The following GPR39 variants were observed in gnomAD, a reference collection of about 807,000 sequenced individuals.
GPR39 encodes the protein G protein-coupled receptor 39.
Under a neutral mutation model 18.4 loss-of-function variants are expected in GPR39, and 23 were observed. The ratio of observed to expected loss-of-function variants is 1.25; its 90% confidence interval spans 0.90 to 1.77. The LOEUF (loss-of-function observed/expected upper bound fraction) is 1.77, where lower values mean the gene tolerates loss of function less well. Among genes scored for constraint, GPR39 ranks in the 40% most tolerant of loss-of-function variants. GPR39 has a pLI of 0.00. For missense variants in GPR39, 647 were observed against 602.4 expected (o/e 1.07, Z -0.78); for synonymous variants, 280 against 257.9 (o/e 1.09, Z -0.82).
At chr2:132,538,364 G>A (rs745327854) in intron 1 of GPR39, among the ~76,000 whole-genome samples, 4 of 152,200 alleles carry the variant, frequency 2.6e-5, no homozygotes, top group Non-Finnish European at 5.9e-5. Context: ...GTTCACCTGG[G>A]TGTCACCAGT....
rs372413230 is a variant in GPR39, at chr2:132,570,602, A to G, written c.857-74499A>G. On this transcript the variant is annotated intron_variant, in intron 1 of 1. Coordinates refer to ENST00000329321, the MANE Select transcript of GPR39 (RefSeq NM_001508.3). ...TTCTCCTATCTTAAAAACAAGACACATGAAAAGGACACCCTTTGCCACTAA... is the reference window on the plus strand; with the variant it reads ...TTCTCCTATCTTAAAAACAAGACACGTGAAAAGGACACCCTTTGCCACTAA... Among the ~76,000 whole-genome samples, 47 of 152,264 alleles carry G rather than the reference A, an allele frequency of 3.1e-4. 1 individual carries two copies. The East Asian group carries it at 6.4e-3, about 21-fold the overall frequency.
Position 132,453,396 on chromosome 2 carries a change from G to A in GPR39, c.856+35498G>A, listed in dbSNP as rs147831752. 2.9e-3 allele frequency among the ~76,000 whole-genome samples: 437 copies of A among 152,250 alleles called. 4 individuals are homozygous for A. The highest frequency in any genetic ancestry group is 0.01 in the African/African-American group (432 of 41,556). On this transcript the variant is annotated intron_variant, in intron 1 of 1. Coordinates refer to ENST00000329321, the MANE Select transcript of GPR39 (RefSeq NM_001508.3). ...TGGATATTAGCCTTTTGTCAGATGA[G>A]TAGATTGCAAAAATTTTTTCCCATT...
At chr2:132,552,103 A>G (rs1680054605) in intron 1 of GPR39, among the ~76,000 whole-genome samples, 1 of 152,198 alleles carries the variant, frequency 6.6e-6, no homozygotes, top group African/African-American at 2.4e-5. Flanking sequence ...TATACTGAAT[A>G]TGTACAGACT....
At chr2:132,633,638 A>C (rs948496336) in intron 1 of GPR39, among the ~76,000 whole-genome samples, 2 of 152,112 alleles carry the variant, frequency 1.3e-5, no homozygotes, top group Admixed American at 1.3e-4. Context: ...GGTCTTGGTG[A>C]CAGTGATGAT....
At chr2:132,526,554 CA>C (rs1309998528) in intron 1 of GPR39, among the ~76,000 whole-genome samples, 1 of 152,216 alleles carries the variant, frequency 6.6e-6, no homozygotes, top group Non-Finnish European at 1.5e-5. Flanking sequence ...CATGAGCTTA[CA>C]GGAAAGGTGG....
chr2:132,618,296 T>C (rs1681375734), intron 1 of GPR39, among the ~76,000 whole-genome samples: 1 of 152,218 alleles, frequency 6.6e-6, no homozygotes, highest in African/African-American at 2.4e-5. Context: ...CTGAGATCAA[T>C]TTGCTGGATT....
At chr2:132,451,174 T>TGTGTGTGTGTGTGTGTGC (rs3219552) in intron 1 of GPR39, among the ~76,000 whole-genome samples, 225 of 150,456 alleles carry the variant, frequency 1.5e-3, no homozygotes, top group African/African-American at 4.3e-3. Flanking sequence ...TGTGTGTGTG[T>TGTGTGTGTGTGTGTGTGC]GCACGCGCGT....
intron 1 of GPR39, among the ~76,000 whole-genome samples, chr2:132,495,369 G>T (rs1681620127): frequency 1.3e-5 from 2 of 152,178 alleles, no homozygotes; most frequent in Non-Finnish European, 2.9e-5. Flanking sequence ...CTGGAGTTTG[G>T]ACGGTAGTGG....
At chr2:132,588,416 G>T (rs1680769225) in intron 1 of GPR39, among the ~76,000 whole-genome samples, 1 of 152,200 alleles carries the variant, frequency 6.6e-6, no homozygotes, top group Non-Finnish European at 1.5e-5. Context: ...ATTTCTGTGG[G>T]TTAAGGCAGG....
chr2:132,610,192 A>G (rs1681215871), intron 1 of GPR39, among the ~76,000 whole-genome samples: 1 of 152,138 alleles, frequency 6.6e-6, no homozygotes, highest in Non-Finnish European at 1.5e-5. Context: ...AAGTCCACAT[A>G]GAGAATCTAA....
intron 1 of GPR39, among the ~76,000 whole-genome samples, chr2:132,532,331 C>G (rs1276311536): frequency 1.3e-5 from 2 of 152,266 alleles, no homozygotes; most frequent in East Asian, 3.9e-4. Flanking sequence ...ACAACAGGCT[C>G]TGAAATTGTG....
chr2:132,568,756 T>G (rs1680393942), intron 1 of GPR39, among the ~76,000 whole-genome samples: 1 of 151,892 alleles, frequency 6.6e-6, no homozygotes, highest in African/African-American at 2.4e-5. Flanking sequence ...CAAGTCAAAT[T>G]TGGAACCCCA....
chr2:132,540,074 A>G (rs1474032996), intron 1 of GPR39, among the ~76,000 whole-genome samples: 5 of 151,620 alleles, frequency 3.3e-5, no homozygotes, highest in Non-Finnish European at 7.4e-5. Flanking sequence ...CACATCCTAC[A>G]CCCCCTAACT....
At chr2:132,558,974 T>C (rs1051164759) in intron 1 of GPR39, among the ~76,000 whole-genome samples, 2 of 151,940 alleles carry the variant, frequency 1.3e-5, no homozygotes, top group Admixed American at 6.6e-5. Context: ...CCAAAAGAAA[T>C]AGAAAAAAGG....
At chr2:132,529,999 C>A (rs528861185) in intron 1 of GPR39, among the ~76,000 whole-genome samples, 1 of 152,066 alleles carries the variant, frequency 6.6e-6, no homozygotes, top group African/African-American at 2.4e-5. Flanking sequence ...CAAAGCTGGA[C>A]GGAGAATGAC....
rs562887581 is a variant in GPR39 at position 132,471,780 on chromosome 2, G to A, written c.856+53882G>A. Among the ~76,000 whole-genome samples, 26 of 151,784 alleles carry A rather than the reference G, an allele frequency of 1.7e-4. No individual in the cohort carries two copies. The South Asian group carries it at 2.7e-3, about 16-fold the overall frequency. On this transcript the variant is annotated intron_variant, in intron 1 of 1. Coordinates refer to ENST00000329321, the MANE Select transcript of GPR39 (RefSeq NM_001508.3). ...GATTAGTTAGCCCCAGGTCATTGTC[G>A]TACTTCCTTTGCAATAAAATGGGTC...
intron 1 of GPR39, among the ~76,000 whole-genome samples, chr2:132,607,683 C>T (rs1458798935): frequency 1.4e-4 from 21 of 152,222 alleles, no homozygotes; most frequent in Admixed American, 1.4e-3. Flanking sequence ...GTCCTGTTGA[C>T]TTATGTTTCA....
rs565599278 is a variant in GPR39, at chr2:132,625,175, T to C, written c.857-19926T>C. Among the ~76,000 whole-genome samples the C allele has an allele frequency of 7.9e-5, 12 of 151,982 alleles. 1 individual carries two copies. The South Asian group carries it at 2.5e-3, about 32-fold the overall frequency. The stretch of plus-strand genomic sequence containing the variant: ...CCCTCTACCTTTCTTAATTTGGCCA[T>C]TCTGTTGAGTACATGGCGACGTCTT... On this transcript the variant is annotated intron_variant, in intron 1 of 1. Transcript: ENST00000329321.
chr2:132,510,411 G>T (rs1006327655), intron 1 of GPR39, among the ~76,000 whole-genome samples: 19 of 152,100 alleles, frequency 1.2e-4, no homozygotes, highest in Admixed American at 1.1e-3. Context: ...ACAGCTGAGG[G>T]ACCCCAGAAA....
Sources: allele counts gnomAD v4.1 joint callset (sites outside exome capture counted in the v4.1 genomes callset), GRCh38; gene constraint gnomAD v4.1.1; transcripts MANE v1.5; gene names NCBI Gene and HGNC (gene_info 2026-07-23, HGNC 2026-07-21).